ATP10B: variants seen among roughly 807,000 people sequenced by gnomAD.
The protein encoded by ATP10B is phospholipid-transporting ATPase VB.
A neutral mutation model predicts 141.2 loss-of-function variants in ATP10B; 122 were observed. The ratio of observed to expected loss-of-function variants is 0.86; its 90% CI spans 0.75 to 1.00. The LOEUF (loss-of-function observed/expected upper bound fraction) is 1.00. ATP10B is among the 50% of genes least tolerant of loss of function. The probability of loss-of-function intolerance (pLI) is 0.00; values close to 1 mark genes in which losing one functional copy is unlikely to be tolerated. For synonymous variants in ATP10B, 685 were observed against 692.0 expected (o/e 0.99, Z 0.16); for missense variants, 1,876 against 1,825.3 (o/e 1.03, Z -0.51).
rs73819429 is a variant in ATP10B at position 160,575,686 on chromosome 5, A to G, written c.3751-6003T>C. Among the ~76,000 whole-genome samples the G allele has an allele frequency of 7.2e-3, 1,100 of 152,282 alleles. 10 individuals are homozygous for G. The highest frequency in any genetic ancestry group is 0.024 in the African/African-American group (1,001 of 41,566). ...AATTCTTTTTTTCTTCTAAAAAGAA[A>G]ACAATGGATTAAACAAATAAAAAAA... is the stretch of plus-strand genomic sequence containing the variant. On this transcript the variant is annotated intron_variant, in intron 24 of 25. Coordinates refer to ENST00000327245, the MANE Select transcript of ATP10B (RefSeq NM_025153.3).
At chr5:160,814,659 G>A (rs1014149973) in intron 1 of ATP10B, among the ~76,000 whole-genome samples, 4 of 152,120 alleles carry the variant, frequency 2.6e-5, no homozygotes, top group Non-Finnish European at 5.9e-5. Flanking sequence ...TCCACGAGAA[G>A]AGCAAGTCCA....
intron 7 of ATP10B, among the ~76,000 whole-genome samples, chr5:160,662,349 G>A (rs1761995561): frequency 6.6e-6 from 1 of 152,178 alleles, no homozygotes; most frequent in Admixed American, 6.5e-5. Context: ...TCAATCCTAA[G>A]CCAAAAGAAC....
At chr5:160,603,737 T>G in intron 20 of ATP10B, 1 of 515,772 alleles carries the variant, frequency 1.9e-6, no homozygotes, top group Non-Finnish European at 3.5e-6. Flanking sequence ...AATGGGAAAA[T>G]TTAGCAGTCA....
At chr5:160,882,023 C>A in the ATP10B span, among the ~76,000 whole-genome samples, 1 of 151,942 alleles carries the variant, frequency 6.6e-6, no homozygotes, top group Non-Finnish European at 1.5e-5. Context: ...AAAGAGGCTA[C>A]AAACTGTATA....
At chr5:160,872,924 T>G in the ATP10B span, among the ~76,000 whole-genome samples, 3 of 152,120 alleles carry the variant, frequency 2.0e-5, no homozygotes, top group East Asian at 5.8e-4. Context: ...ACGGTGGTAT[T>G]TTGATGGGGA....
chr5:160,777,275 G>A (rs905782765), intron 2 of ATP10B, among the ~76,000 whole-genome samples: 8 of 152,210 alleles, frequency 5.3e-5, no homozygotes, highest in Admixed American at 1.3e-4. Context: ...CAGTATCTTG[G>A]TTTGGGGAAC....
At chr5:160,806,930 C>T (rs962596843) in intron 1 of ATP10B, among the ~76,000 whole-genome samples, 1 of 152,088 alleles carries the variant, frequency 6.6e-6, no homozygotes, top group African/African-American at 2.4e-5. Flanking sequence ...AGGGAAATTT[C>T]CTTCATGTAG....
At chr5:160,911,781 C>T in the ATP10B span, among the ~76,000 whole-genome samples, 1 of 152,124 alleles carries the variant, frequency 6.6e-6, no homozygotes, top group Non-Finnish European at 1.5e-5. Flanking sequence ...CCTGCAGGGA[C>T]CATCTCACCC....
At chr5:160,676,601 A>C (rs1212642457) in intron 6 of ATP10B, among the ~76,000 whole-genome samples, 1 of 152,190 alleles carries the variant, frequency 6.6e-6, no homozygotes, top group African/African-American at 2.4e-5. Context: ...TGTTTAGCAC[A>C]TGGGGAGTGT....
chr5:160,585,498 G>A (rs1040992336), intron 24 of ATP10B, among the ~76,000 whole-genome samples: 5 of 152,190 alleles, frequency 3.3e-5, no homozygotes, highest in Non-Finnish European at 7.3e-5. Context: ...AGCTACTGAG[G>A]AGGCTGAGGC....
At chr5:160,589,491 T>C in intron 24 of ATP10B, 101 bp downstream of exon 24, 1 of 887,066 alleles carries the variant, frequency 1.1e-6, no homozygotes, top group South Asian at 1.4e-5. Context: ...TATGTATTTA[T>C]TGAGTGGATT....
the ATP10B span, among the ~76,000 whole-genome samples, chr5:160,898,504 G>A: frequency 1.3e-5 from 2 of 152,156 alleles, no homozygotes; most frequent in East Asian, 3.8e-4. Flanking sequence ...AACAGATGCT[G>A]GAAAGTATGT....
At chr5:160,839,868 CATAACAGG>C (rs1465713430) in intron 1 of ATP10B, among the ~76,000 whole-genome samples, 3 of 151,896 alleles carry the variant, frequency 2.0e-5, no homozygotes, top group African/African-American at 7.3e-5. Context: ...TAGAAAACAG[CATAACAGG>C]AGGCAAAAGA....
In ATP10B at chr5:160,707,037, GC is replaced by G. The variant is rs1044769234; in HGVS notation, c.-205+9871del. On this transcript the variant is annotated intron_variant, in intron 3 of 25. Transcript: ENST00000327245. ...TCTGAGTCAGCTCACTGCAATCTCC[GC>G]CCCCCAGGTTCAAGCAATTCTCCCA... is the stretch of plus-strand genomic sequence containing the variant. Among the ~76,000 whole-genome samples the G allele has an allele frequency of 1.2e-4, 19 of 152,034 alleles. 1 individual carries two copies. Among genetic ancestry groups the G allele is most frequent in the African/African-American group, 2.7e-4 (11 of 41,464 alleles).
intron 24 of ATP10B, among the ~76,000 whole-genome samples, chr5:160,586,068 G>C (rs1755876614): frequency 6.6e-6 from 1 of 152,144 alleles, no homozygotes; most frequent in African/African-American, 2.4e-5. Flanking sequence ...CTATCAACCT[G>C]TCATCTAGGT....
chr5:160,763,737 A>G (rs569661270), intron 2 of ATP10B, among the ~76,000 whole-genome samples: 3 of 152,258 alleles, frequency 2.0e-5, no homozygotes, highest in African/African-American at 7.2e-5. Flanking sequence ...AATTGAAACA[A>G]AAAATATGCA....
In ATP10B at chr5:160,631,177, T is replaced by C. The variant is rs568402581; in HGVS notation, c.1620+952A>G. Among the ~76,000 whole-genome samples the C allele has an allele frequency of 7.2e-5, 11 of 152,344 alleles. No individual in the cohort carries two copies. The South Asian group carries it at 1.9e-3, about 26-fold the overall frequency. Reference sequence around the variant, plus strand: ...TTTGGGTCCCATCTGTTAGTATGTATCTCTTGTTCAAGATTGCTGGGGCTC... The same window carrying C: ...TTTGGGTCCCATCTGTTAGTATGTACCTCTTGTTCAAGATTGCTGGGGCTC... On this transcript the variant is annotated intron_variant, in intron 13 of 25. Transcript: ENST00000327245.
chr5:160,610,160 G>T (rs920353863), intron 18 of ATP10B, among the ~76,000 whole-genome samples: 22 of 152,050 alleles, frequency 1.4e-4, no homozygotes, highest in African/African-American at 5.3e-4. Context: ...AGGGAATTCT[G>T]CAAAAAATGA....
chr5:160,645,032 G>A lies in ATP10B; in HGVS notation c.762-788C>T, dbSNP rs554171783. Among the ~76,000 whole-genome samples, 16 of 150,876 alleles carry A rather than the reference G, an allele frequency of 1.1e-4. No individual in the cohort carries two copies. In the South Asian group the frequency reaches 1.3e-3, roughly 12 times the overall value. On this transcript the variant is annotated intron_variant, in intron 8 of 25. Transcript: ENST00000327245. ...CTTGGGAGGCTGAGGCAGGAGAATC[G>A]CTTGAACCCGGGAGGCGGAGGTTGC...
Sources: allele counts gnomAD v4.1 joint callset (sites outside exome capture counted in the v4.1 genomes callset), GRCh38; gene constraint gnomAD v4.1.1; transcripts MANE v1.5; gene names NCBI Gene and HGNC (gene_info 2026-07-23, HGNC 2026-07-21).